The following WASF2 variants were observed in gnomAD, a reference collection of about 807,000 sequenced individuals.
WASF2 encodes WASP family member 2.
WASF2 carries 14 observed loss-of-function variants against 45.0 expected under a neutral mutation model. The ratio of observed to expected loss-of-function variants is 0.31; its 90% CI spans 0.21 to 0.49. The LOEUF (loss-of-function observed/expected upper bound fraction) is 0.49, where lower values mean the gene tolerates loss of function less well. WASF2 is among the 20% of genes least tolerant of loss of function. The pLI, the probability that WASF2 is intolerant of heterozygous loss-of-function variation, is 0.99. For synonymous variants in WASF2, 200 were observed against 236.3 expected (o/e 0.85, Z 1.41); for missense variants, 439 against 636.1 (o/e 0.69, Z 3.33).
intron 7 of WASF2, among the ~76,000 whole-genome samples, chr1:27,412,352 G>A (rs114717776): frequency 0.017 from 2,583 of 152,146 alleles, 77 homozygotes; most frequent in African/African-American, 0.059. Context: ...GACCACAGGC[G>A]TTTGCCACCA....
rs1282915659 is a variant in WASF2 at position 27,404,290 on chromosome 1, T to C, written c.*3899A>G. ...ATGTTGGCATTTAAGTATTCATGTG[T>C]ATACAGTTACATGGAACCTTCAGGT... On this transcript the variant is annotated 3_prime_UTR_variant, in exon 9 of 9. Coordinates refer to ENST00000618852, the MANE Select transcript of WASF2 (RefSeq NM_006990.5). The C allele has an allele frequency of 6.6e-6, 1 of 152,212 alleles. No homozygotes were observed. Among genetic ancestry groups the C allele is most frequent in the Non-Finnish European group, 1.5e-5 (1 of 68,040 alleles). 9.4% of individuals were successfully genotyped at this position (152,212 alleles called of 1,614,324 possible).
At chr1:27,436,414 G>A (rs2017138917) in intron 1 of WASF2, among the ~76,000 whole-genome samples, 1 of 152,080 alleles carries the variant, frequency 6.6e-6, no homozygotes, top group Admixed American at 6.5e-5. Flanking sequence ...ACCAGCTGGA[G>A]TGGTTGCACT....
intron 1 of WASF2, among the ~76,000 whole-genome samples, chr1:27,457,723 T>TG (rs1249318443): frequency 1.3e-5 from 2 of 151,754 alleles, no homozygotes; most frequent in African/African-American, 4.8e-5. Context: ...TGGGCTCAAG[T>TG]GACCCTCTTG....
intron 1 of WASF2, among the ~76,000 whole-genome samples, chr1:27,480,982 G>A (rs2017840142): frequency 6.6e-6 from 1 of 151,844 alleles, no homozygotes; most frequent in East Asian, 1.9e-4. Flanking sequence ...AGCTTGCAGT[G>A]AGCCGAGATC....
intron 1 of WASF2, among the ~76,000 whole-genome samples, chr1:27,465,803 T>C (rs980295126): frequency 6.6e-5 from 10 of 152,126 alleles, no homozygotes; most frequent in Admixed American, 5.2e-4. Flanking sequence ...AAACACAATA[T>C]CGCAATAAGA....
intron 2 of WASF2, among the ~76,000 whole-genome samples, chr1:27,421,022 T>G (rs1030164584): frequency 6.6e-6 from 1 of 152,254 alleles, no homozygotes; most frequent in African/African-American, 2.4e-5. Flanking sequence ...GCAGCTCACC[T>G]TCCCAGTACA....
At chr1:27,441,167 C>T (rs1308344134) in intron 1 of WASF2, among the ~76,000 whole-genome samples, 1 of 152,036 alleles carries the variant, frequency 6.6e-6, no homozygotes, top group Non-Finnish European at 1.5e-5. Flanking sequence ...CATGCCCAGC[C>T]CCTTTTCTAT....
intron 2 of WASF2, among the ~76,000 whole-genome samples, chr1:27,427,113 C>G (rs532494004): frequency 6.6e-6 from 1 of 152,118 alleles, no homozygotes. Context: ...GCAGCTGGTA[C>G]ATAAAATATG....
chr1:27,467,304 G>T (rs1269699571), intron 1 of WASF2, among the ~76,000 whole-genome samples: 4 of 147,432 alleles, frequency 2.7e-5, no homozygotes, highest in African/African-American at 7.4e-5. Flanking sequence ...AAAGTTTTTC[G>T]TTTGTTTGTT....
In WASF2 at chr1:27,430,807, T is replaced by C. The variant is rs542133922; in HGVS notation, c.-43-1874A>G. Among the ~76,000 whole-genome samples the C allele has an allele frequency of 2.0e-5, 3 of 149,294 alleles. No homozygotes were observed. The South Asian group carries it at 6.3e-4, about 31-fold the overall frequency. On this transcript the variant is annotated intron_variant, in intron 1 of 8. Transcript: ENST00000618852. The stretch of plus-strand genomic sequence containing the variant: ...CCAATATTATAAACTCCTCTTTATA[T>C]ATTTAAAAAAAAAAAAAAGCAAAAC...
At chr1:27,484,163 C>T (rs1347805779) in intron 1 of WASF2, among the ~76,000 whole-genome samples, 1 of 152,140 alleles carries the variant, frequency 6.6e-6, no homozygotes. Flanking sequence ...CAAAATTCCA[C>T]AAATCCATGC....
intron 1 of WASF2, among the ~76,000 whole-genome samples, chr1:27,434,913 T>A (rs1263767931): frequency 6.6e-6 from 1 of 152,130 alleles, no homozygotes. Context: ...CCTCAAACAG[T>A]GAGATTCTTC....
At chr1:27,442,088 C>CA (rs1409263540) in intron 1 of WASF2, among the ~76,000 whole-genome samples, 2 of 149,198 alleles carry the variant, frequency 1.3e-5, no homozygotes, top group African/African-American at 2.5e-5. Context: ...CCAGCCTGGG[C>CA]AAAAAAATGA....
intron 1 of WASF2, among the ~76,000 whole-genome samples, chr1:27,465,098 C>A (rs1293374011): frequency 6.6e-6 from 1 of 152,162 alleles, no homozygotes; most frequent in Non-Finnish European, 1.5e-5. Flanking sequence ...GCTGAGACTG[C>A]CAGATGTCTG....
chr1:27,477,519 G>T (rs1359880773), intron 1 of WASF2, among the ~76,000 whole-genome samples: 7 of 149,524 alleles, frequency 4.7e-5, no homozygotes, highest in East Asian at 4.0e-4. Flanking sequence ...CAGCCTGGGT[G>T]ACAGAGCAAG....
intron 1 of WASF2, among the ~76,000 whole-genome samples, chr1:27,468,221 G>A (rs968740790): frequency 3.9e-5 from 6 of 152,034 alleles, no homozygotes; most frequent in Admixed American, 3.3e-4. Context: ...CCAGTTTATA[G>A]GGAATAAAAG....
chr1:27,442,486 G>A (rs574702208), intron 1 of WASF2, among the ~76,000 whole-genome samples: 1 of 151,890 alleles, frequency 6.6e-6, no homozygotes, highest in South Asian at 2.1e-4. Flanking sequence ...GGAGGTTGCA[G>A]TGAACCAGAC....
chr1:27,473,608 C>CT (rs2017724109), intron 1 of WASF2, among the ~76,000 whole-genome samples: 1 of 151,916 alleles, frequency 6.6e-6, no homozygotes, highest in Admixed American at 6.6e-5. Flanking sequence ...CTATTTTAAG[C>CT]AAAACAATGT....
rs1323146897 is a variant in WASF2 at position 27,418,850 on chromosome 1, G to A, written c.265+104C>T. Reference sequence around the variant, plus strand: ...TCAAAGCAGAACTCTATAGGTCTCTGTGATTTCTCTCCTCACGTTTTTTTT... The same window carrying A: ...TCAAAGCAGAACTCTATAGGTCTCTATGATTTCTCTCCTCACGTTTTTTTT... On this transcript the variant is annotated intron_variant, in intron 3 of 8. Coordinates refer to ENST00000618852, the MANE Select transcript of WASF2 (RefSeq NM_006990.5). The A allele has an allele frequency of 4.3e-6, 6 of 1,392,294 alleles. No homozygotes were observed. In the African/African-American group the frequency reaches 8.8e-5, roughly 20 times the overall value. 86.2% of individuals were successfully genotyped at this position (1,392,294 alleles called of 1,614,324 possible).
Sources: gnomAD v4.1 joint callset for allele counts (sites outside exome capture counted in the v4.1 genomes callset) on GRCh38, gnomAD v4.1.1 for gene constraint, MANE v1.5 for transcripts, NCBI Gene and HGNC (gene_info 2026-07-23, HGNC 2026-07-21) for gene names.